Variants in GRAMD4 observed in about 807,000 individuals in gnomAD.
GRAMD4 encodes GRAM domain containing 4, also known as GRAM domain-containing protein 4.
A neutral mutation model predicts 83.9 loss-of-function variants in GRAMD4; 25 were observed. The ratio of observed to expected loss-of-function variants is 0.30; its 90% CI spans 0.22 to 0.42. The LOEUF is 0.42. GRAMD4 is among the 10% of genes least tolerant of loss of function. GRAMD4 has a pLI of 1.00. For synonymous variants in GRAMD4, 336 were observed against 320.9 expected (o/e 1.05, Z -0.50); for missense variants, 593 against 788.7 (o/e 0.75, Z 2.97).
At position 46,659,467 on chromosome 22, in the gene GRAMD4, A is replaced by C. The variant is rs2082296127; in HGVS notation, c.404+1160A>C. ...ATGACCTGCATGGATGGCTGTCACC[A>C]GTTAGGGAGGCACACGGCATCTCTG... On this transcript the variant is annotated intron_variant, in intron 4 of 18. Coordinates refer to ENST00000406902, the MANE Select transcript of GRAMD4 (RefSeq NM_015124.5). This position sits in a 1 kb window ranked among gnomAD's most constrained non-coding sequence, Gnocchi z 4.1. Among the ~76,000 whole-genome samples the C allele has an allele frequency of 6.6e-6, 1 of 152,064 alleles. No homozygotes were observed. Among genetic ancestry groups the C allele is most frequent in the African/African-American group, 2.4e-5 (1 of 41,396 alleles).
intron 17 of GRAMD4, among the ~76,000 whole-genome samples, 198 bp from the exon 18 acceptor site, chr22:46,676,402 C>T (rs987531407): frequency 1.4e-4 from 22 of 152,154 alleles, no homozygotes; most frequent in Non-Finnish European, 1.0e-4. Flanking sequence ...TGGGACAGAC[C>T]CTTTACAGGT....
At chr22:46,643,149 A>G (rs1256928598) in intron 3 of GRAMD4, among the ~76,000 whole-genome samples, 2 of 145,640 alleles carry the variant, frequency 1.4e-5, no homozygotes, top group Non-Finnish European at 3.0e-5. Context: ...CCTTCCATCC[A>G]TCCATCCATC....
intron 1 of GRAMD4, among the ~76,000 whole-genome samples, chr22:46,586,656 G>A (rs755054934): frequency 1.3e-5 from 2 of 152,226 alleles, no homozygotes; most frequent in Non-Finnish European, 2.9e-5. Context: ...CTGGTGTGGC[G>A]GAATCGCTGG....
chr22:46,627,244 C>T (rs761705426), intron 2 of GRAMD4, among the ~76,000 whole-genome samples: 12 of 152,252 alleles, frequency 7.9e-5, no homozygotes, highest in Non-Finnish European at 1.8e-4. Context: ...ACATGTGACG[C>T]GGAAGCCTCG....
chr22:46,588,906 A>C (rs1387422160), intron 1 of GRAMD4, among the ~76,000 whole-genome samples: 1 of 152,196 alleles, frequency 6.6e-6, no homozygotes, highest in East Asian at 1.9e-4. Flanking sequence ...AGCCTCTGCC[A>C]GCGTCTCCCC....
chr22:46,603,513 CTCTT>C lies in GRAMD4; in HGVS notation c.-49-23236_-49-23233del, dbSNP rs2081334509. On this transcript the variant is annotated intron_variant, in intron 1 of 1. Coordinates refer to the GRAMD4 transcript ENST00000431155. Reference sequence around the variant, plus strand: ...CATGAGCCACCGCGCCCGGCCTCTTCTCTTTTTTTTTTTTTTTTTTTGAGATGGA... The same window carrying C: ...CATGAGCCACCGCGCCCGGCCTCTTCTTTTTTTTTTTTTTTTTGAGATGGA... Among the ~76,000 whole-genome samples the C allele has an allele frequency of 9.4e-5, 10 of 105,974 alleles. 1 individual carries two copies. The highest frequency in any genetic ancestry group is 6.7e-4 in the Admixed American group (6 of 8,994). The allele number at this position is 105,974 out of a possible 152,430, so 69.5% of individuals were successfully genotyped here.
At position 46,613,816 on chromosome 22, in the gene GRAMD4, C is replaced by T. The variant is rs1262338178; in HGVS notation, c.-49-12935C>T. On this transcript the variant is annotated intron_variant, in intron 1 of 1. Transcript: ENST00000431155. The stretch of plus-strand genomic sequence containing the variant: ...TGCCCGGCTTGCTGCTTCCTGCTTC[C>T]CAGGCTGTCTTTGACCCCTTGGGGC... 2.6e-5 allele frequency among the ~76,000 whole-genome samples: 4 copies of T among 151,350 alleles called. No homozygotes were observed. In the South Asian group the frequency reaches 6.3e-4, roughly 24 times the overall value.
chr22:46,664,324 G>A (rs1285022199), intron 8 of GRAMD4, among the ~76,000 whole-genome samples: 1 of 152,238 alleles, frequency 6.6e-6, no homozygotes, highest in African/African-American at 2.4e-5. Context: ...CAAAGATGTT[G>A]GGCGTGGCCC....
chr22:46,577,313 C>T, intron 1 of GRAMD4: 3 of 980,376 alleles, frequency 3.1e-6, no homozygotes, highest in Non-Finnish European at 3.6e-6. Context: ...CGCGGACACC[C>T]ACCTACCCCG....
At chr22:46,669,193 G>T (rs1270423443) in intron 13 of GRAMD4, among the ~76,000 whole-genome samples, 1 of 152,238 alleles carries the variant, frequency 6.6e-6, no homozygotes, top group Non-Finnish European at 1.5e-5. Flanking sequence ...CAGGACTTGG[G>T]GTGTCAGGGA....
At chr22:46,597,651 G>A (rs911352888) in intron 1 of GRAMD4, among the ~76,000 whole-genome samples, 4 of 152,006 alleles carry the variant, frequency 2.6e-5, no homozygotes, top group East Asian at 1.9e-4. Flanking sequence ...CACCACGCCC[G>A]GCTAATTTTT....
In GRAMD4 at chr22:46,626,259, G is replaced by T. The variant is rs564079748; in HGVS notation, c.-49-492G>T. ...TCCAGGCGTGGCTGCCGTCCTGGTGGTGTATGTGGCCGTCGTGTTGACCAC... is the reference window on the plus strand; with the variant it reads ...TCCAGGCGTGGCTGCCGTCCTGGTGTTGTATGTGGCCGTCGTGTTGACCAC... On this transcript the variant is annotated intron_variant, in intron 1 of 18. Transcript: ENST00000406902. 3.3e-5 allele frequency among the ~76,000 whole-genome samples: 5 copies of T among 152,368 alleles called. No individual in the cohort carries two copies. In the East Asian group the frequency reaches 9.7e-4, roughly 29 times the overall value.
intron 1 of GRAMD4, among the ~76,000 whole-genome samples, chr22:46,612,157 TC>T (rs35899632): frequency 6.6e-6 from 1 of 151,928 alleles, no homozygotes; most frequent in Admixed American, 6.6e-5. Context: ...GTGCACACCA[TC>T]CCGCCTGGCT....
intron 1 of GRAMD4, among the ~76,000 whole-genome samples, chr22:46,582,622 G>A (rs1038905104): frequency 6.6e-6 from 1 of 152,186 alleles, no homozygotes; most frequent in Non-Finnish European, 1.5e-5. Flanking sequence ...CCTGGCTCGG[G>A]TCTGAGCTGG....
intron 1 of GRAMD4, among the ~76,000 whole-genome samples, chr22:46,591,306 T>C: frequency 6.6e-6 from 1 of 151,678 alleles, no homozygotes; most frequent in Non-Finnish European, 1.5e-5. Flanking sequence ...TTGCGTGAGC[T>C]CAGGAGTTTG....
At chr22:46,587,032 C>T (rs886893208) in intron 1 of GRAMD4, among the ~76,000 whole-genome samples, 6 of 152,230 alleles carry the variant, frequency 3.9e-5, no homozygotes, top group African/African-American at 1.4e-4. Context: ...TGGACAAAGC[C>T]CGTGCTGATG....
At chr22:46,598,793 C>T (rs531071543) in intron 1 of GRAMD4, among the ~76,000 whole-genome samples, 8 of 152,144 alleles carry the variant, frequency 5.3e-5, no homozygotes, top group East Asian at 3.9e-4. Context: ...TGCGGGCCAG[C>T]GGGGAAGGAT....
At chr22:46,644,028 C>T (rs1372424477) in intron 3 of GRAMD4, among the ~76,000 whole-genome samples, 1 of 152,200 alleles carries the variant, frequency 6.6e-6, no homozygotes, top group South Asian at 2.1e-4. Context: ...ATTCTTCCAA[C>T]TGAAATTTTT....
chr22:46,649,039 A>G (rs2082127902), intron 3 of GRAMD4, among the ~76,000 whole-genome samples: 1 of 152,202 alleles, frequency 6.6e-6, no homozygotes, highest in Admixed American at 6.5e-5. Flanking sequence ...ACTCTTTTGC[A>G]TATACTTTAA....
Sources: allele counts gnomAD v4.1 joint callset (sites outside exome capture counted in the v4.1 genomes callset), GRCh38; gene constraint gnomAD v4.1.1; non-coding constraint Gnocchi (gnomAD v3.1); transcripts MANE v1.5; gene names NCBI Gene and HGNC (gene_info 2026-07-23, HGNC 2026-07-21).